Variants in BTBD9 observed in about 807,000 individuals in gnomAD.
BTBD9 encodes the protein BTB domain containing 9, also known as BTB/POZ domain-containing protein 9.
In BTBD9, 49 loss-of-function variants were observed where a neutral mutation model predicts 64.3. The ratio of observed to expected loss-of-function variants is 0.76; its 90% confidence interval spans 0.61 to 0.97. The LOEUF is 0.97. Among genes scored for constraint, BTBD9 ranks in the 50% least tolerant of loss-of-function variants. The pLI, the probability that BTBD9 is intolerant of heterozygous loss-of-function variation, is 0.00. For missense variants in BTBD9, 598 were observed against 762.1 expected, an observed-to-expected ratio of 0.78 and a Z score of 2.53; for synonymous variants, 260 against 274.7, an observed-to-expected ratio of 0.95 and a Z score of 0.53.
intron 6 of BTBD9, among the ~76,000 whole-genome samples, chr6:38,455,040 T>C (rs1769733508): frequency 6.6e-6 from 1 of 152,180 alleles, no homozygotes; most frequent in Admixed American, 6.5e-5. Flanking sequence ...ACAAGCATTA[T>C]AATGAAACAA....
chr6:38,425,165 T>C (rs369659586), intron 6 of BTBD9, among the ~76,000 whole-genome samples: 3 of 143,536 alleles, frequency 2.1e-5, no homozygotes, highest in Non-Finnish European at 4.5e-5. Context: ...TAGGCTGGAG[T>C]GCAGTGGCGT....
At chr6:38,202,414 A>G (rs1045001397) in intron 9 of BTBD9, among the ~76,000 whole-genome samples, 1 of 152,140 alleles carries the variant, frequency 6.6e-6, no homozygotes, top group African/African-American at 2.4e-5. Context: ...ACAGAAAAAA[A>G]AAATCCTAAA....
chr6:38,539,802 G>A (rs758392618), intron 6 of BTBD9, among the ~76,000 whole-genome samples: 12 of 152,174 alleles, frequency 7.9e-5, no homozygotes, highest in Non-Finnish European at 1.2e-4. Flanking sequence ...TTTGACTACA[G>A]GTGTTAAAAA....
chr6:38,249,320 T>C (rs1764311533), intron 9 of BTBD9, among the ~76,000 whole-genome samples: 1 of 152,206 alleles, frequency 6.6e-6, no homozygotes, highest in African/African-American at 2.4e-5. Context: ...AGTAGTGTGA[T>C]CTTAGCTCAC....
chr6:38,501,735 C>T (rs1772211516), intron 6 of BTBD9, among the ~76,000 whole-genome samples: 1 of 152,300 alleles, frequency 6.6e-6, no homozygotes, highest in South Asian at 2.1e-4. Context: ...GGCTCCATCA[C>T]CTGTTCTGTC....
At chr6:38,493,509 C>G (rs1300448637) in intron 6 of BTBD9, among the ~76,000 whole-genome samples, 1 of 152,140 alleles carries the variant, frequency 6.6e-6, no homozygotes, top group African/African-American at 2.4e-5. Flanking sequence ...ATGCTTTGTT[C>G]TTTTTTCTCT....
chr6:38,288,237 T>C (rs1288842729), intron 8 of BTBD9, 35 bp downstream of exon 8: 2 of 1,589,704 alleles, frequency 1.3e-6, no homozygotes, highest in African/African-American at 2.7e-5. Flanking sequence ...GTATCTTCCA[T>C]TTTAAAACTT....
chr6:38,336,488 C>T (rs954010162), intron 7 of BTBD9, among the ~76,000 whole-genome samples: 1 of 151,826 alleles, frequency 6.6e-6, no homozygotes, highest in African/African-American at 2.4e-5. Context: ...GGAGAAGTGC[C>T]GAAAAAAGGG....
At chr6:38,214,620 T>A (rs1211457000) in intron 9 of BTBD9, among the ~76,000 whole-genome samples, 1 of 152,126 alleles carries the variant, frequency 6.6e-6, no homozygotes, top group African/African-American at 2.4e-5. Flanking sequence ...GGAGGTCGCG[T>A]GCTTTTTGTG....
intron 6 of BTBD9, among the ~76,000 whole-genome samples, chr6:38,562,195 G>A (rs1006294636): frequency 7.2e-5 from 11 of 152,130 alleles, no homozygotes; most frequent in Non-Finnish European, 1.5e-4. Flanking sequence ...ATCACAATAC[G>A]AAAATATAAC....
At chr6:38,484,343 T>A (rs756536284) in intron 6 of BTBD9, among the ~76,000 whole-genome samples, 2 of 152,248 alleles carry the variant, frequency 1.3e-5, no homozygotes, top group Non-Finnish European at 2.9e-5. Flanking sequence ...GTTCAGCAGA[T>A]GGGCAAAAGT....
At chr6:38,541,571 T>C (rs893465879) in intron 6 of BTBD9, among the ~76,000 whole-genome samples, 7 of 152,160 alleles carry the variant, frequency 4.6e-5, no homozygotes, top group African/African-American at 1.7e-4. Flanking sequence ...GCCCCGTCTC[T>C]ACTAAAAATA....
chr6:38,209,662 TG>T (rs1277960062), intron 9 of BTBD9, among the ~76,000 whole-genome samples: 3 of 152,140 alleles, frequency 2.0e-5, no homozygotes, highest in Non-Finnish European at 4.4e-5. Flanking sequence ...GTGATTTCAA[TG>T]TATGGCCAAG....
At chr6:38,367,976 G>A (rs923339019) in intron 6 of BTBD9, among the ~76,000 whole-genome samples, 4 of 152,100 alleles carry the variant, frequency 2.6e-5, no homozygotes, top group Admixed American at 6.5e-5. Context: ...AGGAGGAAAG[G>A]TGTGCTATAG....
intron 4 of BTBD9, among the ~76,000 whole-genome samples, chr6:38,591,926 T>C (rs953900188): frequency 6.6e-6 from 1 of 152,160 alleles, no homozygotes; most frequent in African/African-American, 2.4e-5. Context: ...GGCTCATGCC[T>C]GTAATCCCAG....
At chr6:38,416,500 A>C (rs1767673238) in intron 6 of BTBD9, among the ~76,000 whole-genome samples, 1 of 82,196 alleles carries the variant, frequency 1.2e-5, no homozygotes. Flanking sequence ...ATGCCCAGCT[A>C]ATTTTTTTTT....
At chr6:38,228,540 C>A (rs1014552403) in intron 9 of BTBD9, among the ~76,000 whole-genome samples, 2 of 151,688 alleles carry the variant, frequency 1.3e-5, no homozygotes, top group Non-Finnish European at 2.9e-5. Context: ...TCTGTACCTT[C>A]CTCCCAACTT....
chr6:38,422,972 T>TA (rs1767974121), intron 6 of BTBD9, among the ~76,000 whole-genome samples: 2 of 151,704 alleles, frequency 1.3e-5, no homozygotes, highest in African/African-American at 2.4e-5. Flanking sequence ...TAAATATATA[T>TA]TTTTTAAATA....
At position 38,228,567 on chromosome 6, in the gene BTBD9, C is replaced by T. The variant is rs376431377; in HGVS notation, c.1562+27842G>A. 1.5e-3 allele frequency among the ~76,000 whole-genome samples: 230 copies of T among 150,326 alleles called. 2 individuals carry two copies. The highest frequency in any genetic ancestry group is 5.1e-3 in the African/African-American group (210 of 41,194). ...TCCCAACTTTTCTGTGAACCTAAAA[C>T]GGCTCTTAAAAAAAAAACAGTCTCT... On this transcript the variant is annotated intron_variant, in intron 9 of 10. Transcript: ENST00000481247.
Sources: allele counts gnomAD v4.1 joint callset (sites outside exome capture counted in the v4.1 genomes callset), GRCh38; gene constraint gnomAD v4.1.1; transcripts MANE v1.5; gene names NCBI Gene and HGNC (gene_info 2026-07-23, HGNC 2026-07-21).